Variants in IL12RB2 observed in about 807,000 individuals in gnomAD.
IL12RB2 encodes interleukin 12 receptor subunit beta 2.
Under a neutral mutation model 89.4 loss-of-function variants are expected in IL12RB2, and 82 were observed. The ratio of observed to expected loss-of-function variants is 0.92; its 90% CI spans 0.77 to 1.10. IL12RB2 has a LOEUF of 1.10. IL12RB2 is among the 50% of genes least tolerant of loss of function. IL12RB2 has a pLI of 0.00. For missense variants in IL12RB2, 963 were observed against 1,031.9 expected (o/e 0.93, Z 0.92); for synonymous variants, 368 against 370.1 (o/e 0.99, Z 0.07).
chr1:67,393,805 GT>G (rs1666079546), intron 16 of IL12RB2, among the ~76,000 whole-genome samples: 1 of 152,162 alleles, frequency 6.6e-6, no homozygotes. Flanking sequence ...AGGTTGGTTG[GT>G]TTTTCCCAGG....
intron 14 of IL12RB2, among the ~76,000 whole-genome samples, chr1:67,383,098 G>T (rs1369589697): frequency 1.3e-5 from 2 of 152,152 alleles, no homozygotes; most frequent in Non-Finnish European, 2.9e-5. Flanking sequence ...GTTCCACAGG[G>T]CTGGGGAAGC....
At chr1:67,390,195 T>C (rs1665653505) in intron 16 of IL12RB2, 67 bp downstream of exon 16, 1 of 840,432 alleles carries the variant, frequency 1.2e-6, no homozygotes, top group Admixed American at 1.8e-5. Flanking sequence ...AGTTTTCCAT[T>C]GTAGTTACGA....
chr1:67,359,072 CAG>C (rs1661704868), intron 10 of IL12RB2, among the ~76,000 whole-genome samples: 1 of 152,086 alleles, frequency 6.6e-6, no homozygotes, highest in Non-Finnish European at 1.5e-5. Flanking sequence ...GCCCAGGAGG[CAG>C]AGATTGCAGT....
intron 16 of IL12RB2, among the ~76,000 whole-genome samples, chr1:67,393,875 T>C (rs575839683): frequency 6.2e-4 from 92 of 147,264 alleles, no homozygotes; most frequent in Non-Finnish European, 1.2e-3. Flanking sequence ...GGCTATTTTT[T>C]GTCATCCTAC....
intron 3 of IL12RB2, 138 bp from the exon 4 acceptor site, chr1:67,321,464 C>T: frequency 1.4e-6 from 1 of 703,172 alleles, no homozygotes; most frequent in South Asian, 1.5e-5. Flanking sequence ...ACCATTATAA[C>T]CAGAGACATG....
chr1:67,341,848 A>C (rs1659665553), intron 9 of IL12RB2, among the ~76,000 whole-genome samples: 1 of 152,252 alleles, frequency 6.6e-6, no homozygotes, highest in Non-Finnish European at 1.5e-5. Flanking sequence ...GTTACTGAGC[A>C]GTCCTGCTTT....
At chr1:67,328,166 C>G (rs751935087) in intron 5 of IL12RB2, 34 bp from the exon 6 acceptor site, 1 of 1,393,368 alleles carries the variant, frequency 7.2e-7, no homozygotes. Flanking sequence ...GCACATAAAA[C>G]ATGTTGCTAC....
intron 14 of IL12RB2, 75 bp from the exon 15 acceptor site, chr1:67,386,504 C>A: frequency 3.1e-6 from 3 of 975,454 alleles, no homozygotes; most frequent in Non-Finnish European, 5.0e-6. Flanking sequence ...GCCCAGAGGG[C>A]GCATACACCA....
chr1:67,312,183 G>GT (rs1655152241), intron 1 of IL12RB2, among the ~76,000 whole-genome samples: 2 of 152,164 alleles, frequency 1.3e-5, no homozygotes, highest in Admixed American at 1.3e-4. Context: ...ACCAAGGATG[G>GT]TGCCCGGGGC....
At chr1:67,381,513 C>T (rs1664570261) in intron 14 of IL12RB2, among the ~76,000 whole-genome samples, 1 of 152,138 alleles carries the variant, frequency 6.6e-6, no homozygotes, top group African/African-American at 2.4e-5. Flanking sequence ...CCTGTAATCC[C>T]AGGACTTTGG....
At chr1:67,367,764 T>C (rs1662866037) in intron 10 of IL12RB2, 61 bp from the exon 11 acceptor site, 2 of 962,918 alleles carry the variant, frequency 2.1e-6, no homozygotes, top group South Asian at 2.6e-5. Flanking sequence ...CTTTTTTTGT[T>C]GTTTAAATCT....
chr1:67,361,399 T>C lies in IL12RB2; in HGVS notation c.1259-6426T>C, dbSNP rs146680572. Among the ~76,000 whole-genome samples, 401 of 152,294 alleles carry C rather than the reference T, an allele frequency of 2.6e-3. 2 individuals are homozygous for C. Among genetic ancestry groups the C allele is most frequent in the African/African-American group, 9.3e-3 (388 of 41,570 alleles). On this transcript the variant is annotated intron_variant, in intron 10 of 16. Transcript: ENST00000674203. ...ACTATGTTTAATATGCTAAAGGCTCTAACAGATAAAGTAGAAAACCTGCAA... is the reference window on the plus strand; with the variant it reads ...ACTATGTTTAATATGCTAAAGGCTCCAACAGATAAAGTAGAAAACCTGCAA...
At chr1:67,377,064 A>G (rs1664061182) in intron 13 of IL12RB2, among the ~76,000 whole-genome samples, 1 of 152,234 alleles carries the variant, frequency 6.6e-6, no homozygotes, top group Non-Finnish European at 1.5e-5. Context: ...GTCATGGTGA[A>G]TAAATTATCT....
intron 10 of IL12RB2, among the ~76,000 whole-genome samples, chr1:67,365,099 A>G (rs1248705057): frequency 2.6e-5 from 4 of 152,232 alleles, no homozygotes; most frequent in African/African-American, 9.6e-5. Context: ...ATTTTGAACT[A>G]ATTGAAAATA....
At chr1:67,331,343 C>A (rs1658048047) in intron 8 of IL12RB2, among the ~76,000 whole-genome samples, 1 of 152,128 alleles carries the variant, frequency 6.6e-6, no homozygotes, top group Non-Finnish European at 1.5e-5. Context: ...AAATGAGAAC[C>A]ACCTGGCCAC....
At chr1:67,311,010 A>C (rs2100501296) in intron 1 of IL12RB2, among the ~76,000 whole-genome samples, 1 of 152,244 alleles carries the variant, frequency 6.6e-6, no homozygotes, top group African/African-American at 2.4e-5. Flanking sequence ...GGTGTGAGTC[A>C]CCACGTCCGT....
chr1:67,345,556 T>C (rs1325957494), intron 9 of IL12RB2, among the ~76,000 whole-genome samples: 2 of 152,192 alleles, frequency 1.3e-5, no homozygotes, highest in Non-Finnish European at 2.9e-5. Context: ...CTATTGTAAA[T>C]CCCTAGTGAG....
intron 10 of IL12RB2, among the ~76,000 whole-genome samples, chr1:67,367,008 G>A (rs1662746848): frequency 6.6e-6 from 1 of 152,146 alleles, no homozygotes; most frequent in Non-Finnish European, 1.5e-5. Flanking sequence ...TTCAAGGATA[G>A]GAATTTGTCT....
chr1:67,381,766 A>AG (rs1664608656), intron 14 of IL12RB2, among the ~76,000 whole-genome samples: 1 of 89,940 alleles, frequency 1.1e-5, no homozygotes, highest in Non-Finnish European at 2.0e-5. Context: ...ACTATGTTTC[A>AG]AAAAAAAAAA....
Sources: gnomAD v4.1 joint callset for allele counts (sites outside exome capture counted in the v4.1 genomes callset) on GRCh38, gnomAD v4.1.1 for gene constraint, MANE v1.5 for transcripts, NCBI Gene and HGNC (gene_info 2026-07-23, HGNC 2026-07-21) for gene names.